The following DGKD variants were observed in gnomAD, a reference collection of about 807,000 sequenced individuals.
The protein encoded by DGKD is diacylglycerol kinase delta.
Under a neutral mutation model 154.4 loss-of-function variants are expected in DGKD, and 68 were observed. The ratio of observed to expected loss-of-function variants is 0.44; its 90% confidence interval spans 0.36 to 0.54. The LOEUF (loss-of-function observed/expected upper bound fraction) is 0.54. Among genes scored for constraint, DGKD ranks in the 20% least tolerant of loss-of-function variants. The probability of loss-of-function intolerance (pLI) is 0.00; values close to 1 mark genes in which losing one functional copy is unlikely to be tolerated. For missense variants in DGKD, 1,343 were observed against 1,593.6 expected, an observed-to-expected ratio of 0.84 and a Z score of 2.68; for synonymous variants, 693 against 638.0, an observed-to-expected ratio of 1.09 and a Z score of -1.30.
intron 7 of DGKD, among the ~76,000 whole-genome samples, chr2:233,436,991 A>G (rs1387973483): frequency 6.6e-6 from 1 of 152,174 alleles, no homozygotes; most frequent in African/African-American, 2.4e-5. Flanking sequence ...TCACTTGCCT[A>G]GCACATCTGG....
At chr2:233,454,299 T>C (rs1362525843) in intron 18 of DGKD, 1 of 443,358 alleles carries the variant, frequency 2.3e-6, no homozygotes, top group Non-Finnish European at 4.7e-6. Context: ...GTAATAAAAA[T>C]GAAGCGCTAA....
At chr2:233,368,992 G>A (rs74448524) in intron 1 of DGKD, among the ~76,000 whole-genome samples, 4,620 of 152,296 alleles carry the variant, frequency 0.03, 116 homozygotes, top group Middle Eastern at 0.041. Flanking sequence ...AGAGTGCCTA[G>A]GAGTTTCAAG....
At position 233,458,959 on chromosome 2, in the gene DGKD, G is replaced by T. The variant is rs2063541188; in HGVS notation, c.2694+562G>T. Reference sequence around the variant, plus strand: ...GCCTTGCCTGTCCCCTCTGAGGTGGGATGAGATAGAGCAGACCCAGGCTGG... The same window carrying T: ...GCCTTGCCTGTCCCCTCTGAGGTGGTATGAGATAGAGCAGACCCAGGCTGG... On this transcript the variant is annotated intron_variant, in intron 22 of 29. Coordinates refer to ENST00000264057, the MANE Select transcript of DGKD (RefSeq NM_152879.3). This position sits in a 1 kb window ranked among gnomAD's most constrained non-coding sequence, Gnocchi z 6.6. 6.6e-6 allele frequency among the ~76,000 whole-genome samples: 1 copy of T among 152,220 alleles called. No homozygotes were observed. Among genetic ancestry groups the T allele is most frequent in the African/African-American group, 2.4e-5 (1 of 41,458 alleles).
In DGKD at chr2:233,457,297, C is replaced by T; in HGVS notation, c.2549C>T (p.Thr850Ile). The T allele has an allele frequency of 6.5e-7, 1 of 1,533,144 alleles. No homozygotes were observed. The highest frequency in any genetic ancestry group is 8.8e-7 in the Non-Finnish European group (1 of 1,140,100). The allele number at this position is 1,533,144 out of a possible 1,614,324, so 95.0% of individuals were successfully genotyped here. The change falls in exon 21 of 30, where the codon ACC (threonine) becomes ATC (isoleucine). Residue 850 changes from threonine (T) to isoleucine (I), a missense_variant. Thr to Ile is a moderately conservative substitution (Grantham distance 89). Around this residue, in one of 6 missense-constraint regions of DGKD, gnomAD observed 429 missense variants for 496.3 expected, o/e 0.86. Transcript: ENST00000264057. This position sits in a 1 kb window ranked among gnomAD's most constrained non-coding sequence, Gnocchi z 5.5. ...VLNIPSYAGG[T>I]NFWGGTKEDD... ...AACATTCCCAGCTATGCCGGAGGAA[C>T]CAACTTCTGGGGGGGTACCAAGGAA...
At chr2:233,450,524 C>T (rs1225467476) in intron 16 of DGKD, among the ~76,000 whole-genome samples, 4 of 152,158 alleles carry the variant, frequency 2.6e-5, no homozygotes, top group African/African-American at 4.8e-5. Flanking sequence ...CCTCCTGGAA[C>T]AGCCCACAGC....
chr2:233,416,316 A>C (rs2061959644), intron 3 of DGKD, among the ~76,000 whole-genome samples: 1 of 152,206 alleles, frequency 6.6e-6, no homozygotes, highest in East Asian at 1.9e-4. Context: ...TGAACACACA[A>C]ACAGGCTTGA....
intron 1 of DGKD, among the ~76,000 whole-genome samples, chr2:233,380,576 T>C (rs1702837306): frequency 6.6e-6 from 1 of 152,180 alleles, no homozygotes; most frequent in African/African-American, 2.4e-5. Flanking sequence ...TGACCAGTAC[T>C]GGGGCAGTGG....
At chr2:233,413,934 G>T (rs552145838) in intron 3 of DGKD, among the ~76,000 whole-genome samples, 1 of 152,344 alleles carries the variant, frequency 6.6e-6, no homozygotes, top group South Asian at 2.1e-4. Flanking sequence ...TGTACTTGAA[G>T]TATCAGAGGA....
In DGKD at chr2:233,445,859, G is replaced by A. The variant is rs1490567112; in HGVS notation, c.1334+97G>A. ...AACCTGGGGTCTGTGGAAAACATGG[G>A]CCCTCTGAAATTATTTGTAAAGATT... On this transcript the variant is annotated intron_variant, in intron 11 of 29. Coordinates refer to ENST00000264057, the MANE Select transcript of DGKD (RefSeq NM_152879.3). This position sits in a 1 kb window ranked among gnomAD's most constrained non-coding sequence, Gnocchi z 5.5. 13 of 1,376,462 alleles carry A rather than the reference G, an allele frequency of 9.4e-6. No individual in the cohort carries two copies. In the East Asian group the frequency reaches 3.1e-4, roughly 33 times the overall value. The allele number at this position is 1,376,462 out of a possible 1,614,324, so 85.3% of individuals were successfully genotyped here.
intron 29 of DGKD, 120 bp downstream of exon 29, chr2:233,468,673 GTA>G: frequency 6.7e-7 from 1 of 1,486,548 alleles, no homozygotes; most frequent in Admixed American, 1.9e-5. Context: ...AGGCTTTCGT[GTA>G]TACCTCAGGT....
At chr2:233,361,366 G>A (rs527759382) in intron 1 of DGKD, among the ~76,000 whole-genome samples, 1 of 152,174 alleles carries the variant, frequency 6.6e-6, no homozygotes, top group African/African-American at 2.4e-5. Flanking sequence ...CCTCTCTAGA[G>A]GGAGATATCT....
chr2:233,428,220 T>G (rs1320615599), intron 3 of DGKD, among the ~76,000 whole-genome samples: 1 of 152,078 alleles, frequency 6.6e-6, no homozygotes, highest in Non-Finnish European at 1.5e-5. Flanking sequence ...GCTGAGAAGA[T>G]GGAGGCATGG....
At chr2:233,442,313 G>C in intron 10 of DGKD, 1 of 471,816 alleles carries the variant, frequency 2.1e-6, no homozygotes, top group East Asian at 4.6e-5. Context: ...GGTAATTTTT[G>C]TCTTGAGGCC....
intron 3 of DGKD, among the ~76,000 whole-genome samples, chr2:233,427,076 A>G (rs973645185): frequency 3.9e-5 from 6 of 152,210 alleles, no homozygotes; most frequent in South Asian, 2.1e-4. Flanking sequence ...ACATCTGTCT[A>G]TGGCTGTTCT....
chr2:233,410,744 T>C (rs927384769), intron 3 of DGKD, among the ~76,000 whole-genome samples: 1 of 152,226 alleles, frequency 6.6e-6, no homozygotes, highest in African/African-American at 2.4e-5. Context: ...AACTGCAGTA[T>C]TTAAGGTGTA....
chr2:233,355,011 C>T (rs772913126), intron 1 of DGKD, among the ~76,000 whole-genome samples: 1 of 151,634 alleles, frequency 6.6e-6, no homozygotes, highest in Non-Finnish European at 1.5e-5. Flanking sequence ...GGACTGCGCT[C>T]GTGCCACCGA....
Position 233,469,604 on chromosome 2 carries a change from T to C in DGKD, c.*144T>C, listed in dbSNP as rs1006317889. On this transcript the variant is annotated 3_prime_UTR_variant, in exon 30 of 30. Coordinates refer to ENST00000264057, the MANE Select transcript of DGKD (RefSeq NM_152879.3). Reference sequence around the variant, plus strand: ...GCCCCCTTCTCATGGTGCTACTTCCTCTGTCAGCTACAGAAAGCCTCCGTG... The same window carrying C: ...GCCCCCTTCTCATGGTGCTACTTCCCCTGTCAGCTACAGAAAGCCTCCGTG... The C allele has an allele frequency of 1.3e-5, 9 of 677,266 alleles. No homozygotes were observed. The African/African-American group carries it at 1.6e-4, about 12-fold the overall frequency. 42.0% of individuals were successfully genotyped at this position (677,266 alleles called of 1,614,324 possible).
Position 233,388,481 on chromosome 2 carries a change from T to C in DGKD, c.267+114T>C, listed in dbSNP as rs1703342172. ...AAAGCTTCAATTCTCAGATCTGTTA[T>C]TGCCAGTGAGTTTTGTAACACTCCA... On this transcript the variant is annotated intron_variant, in intron 2 of 29. Transcript: ENST00000264057. The C allele has an allele frequency of 5.9e-6, 6 of 1,008,776 alleles. No individual in the cohort carries two copies. In the East Asian group the frequency reaches 1.0e-4, roughly 17 times the overall value. 62.5% of individuals were successfully genotyped at this position (1,008,776 alleles called of 1,614,324 possible). A position where few individuals can be genotyped will look rare whatever the true frequency, so the allele number is the denominator to read the frequency against.
At chr2:233,464,681 C>G (rs1432631860) in intron 27 of DGKD, among the ~76,000 whole-genome samples, 1 of 152,232 alleles carries the variant, frequency 6.6e-6, no homozygotes, top group Non-Finnish European at 1.5e-5. Context: ...CGCCACTCCC[C>G]ACTCACACTC....
Sources: allele counts gnomAD v4.1 joint callset (sites outside exome capture counted in the v4.1 genomes callset), GRCh38; gene constraint gnomAD v4.1.1; regional missense constraint gnomAD v4.1.1; non-coding constraint Gnocchi (gnomAD v3.1); transcripts MANE v1.5; gene names NCBI Gene and HGNC (gene_info 2026-07-23, HGNC 2026-07-21).